CTNND2: variants seen among roughly 807,000 people sequenced by gnomAD.
The protein encoded by CTNND2 is catenin delta-2.
Under a neutral mutation model 144.4 loss-of-function variants are expected in CTNND2, and 22 were observed. The observed-to-expected ratio is 0.15, with a 90% confidence interval of 0.11 to 0.22. CTNND2 has a LOEUF of 0.22. CTNND2 is among the 10% of genes least tolerant of loss of function. The probability of loss-of-function intolerance (pLI) is 1.00; values close to 1 mark genes in which losing one functional copy is unlikely to be tolerated. For synonymous variants in CTNND2, 751 were observed against 695.6 expected (o/e 1.08, Z -1.25); for missense variants, 1,353 against 1,618.8 (o/e 0.84, Z 2.82).
At chr5:11,506,674 A>G (rs1277038963) in intron 3 of CTNND2, among the ~76,000 whole-genome samples, 1 of 152,250 alleles carries the variant, frequency 6.6e-6, no homozygotes, top group South Asian at 2.1e-4. Flanking sequence ...TTAAATATAC[A>G]CAATTCATTT....
rs1044222634 is a variant in CTNND2, at chr5:11,584,518, A to G, written c.175-19462T>C. On this transcript the variant is annotated intron_variant, in intron 2 of 21. Transcript: ENST00000304623. ...AGGAAGAAACGCCCATAATGTTGAA[A>G]AATATTTACACACTGGAGAAGATCA... 5.3e-5 allele frequency among the ~76,000 whole-genome samples: 8 copies of G among 152,186 alleles called. 1 individual carries two copies. Among genetic ancestry groups the G allele is most frequent in the Admixed American group, 1.3e-4 (2 of 15,284 alleles).
intron 6 of CTNND2, among the ~76,000 whole-genome samples, chr5:11,389,565 A>G: frequency 6.6e-6 from 1 of 152,298 alleles, no homozygotes; most frequent in South Asian, 2.1e-4. Context: ...ATTTTATAGA[A>G]CTGTTTAAGG....
intron 12 of CTNND2, among the ~76,000 whole-genome samples, chr5:11,141,880 G>A (rs1434655068): frequency 1.3e-5 from 2 of 152,212 alleles, no homozygotes; most frequent in East Asian, 3.8e-4. Context: ...TGAGAAGTGG[G>A]AACTTGAGGA....
intron 16 of CTNND2, among the ~76,000 whole-genome samples, chr5:11,070,441 T>TA (rs1748133183): frequency 1.3e-5 from 2 of 151,840 alleles, no homozygotes. Flanking sequence ...AAAAGAACAA[T>TA]AAAAAAATCT....
intron 3 of CTNND2, among the ~76,000 whole-genome samples, chr5:11,474,155 A>G (rs901036684): frequency 2.0e-5 from 3 of 151,952 alleles, no homozygotes; most frequent in African/African-American, 4.9e-5. Context: ...TTTGCATTCC[A>G]CCCATGTGAG....
intron 16 of CTNND2, among the ~76,000 whole-genome samples, chr5:11,052,023 T>C (rs1745888082): frequency 6.6e-6 from 1 of 152,178 alleles, no homozygotes. Flanking sequence ...TATGTAAATG[T>C]GGTTTCAAGC....
chr5:11,292,881 C>G (rs901431001), intron 9 of CTNND2, among the ~76,000 whole-genome samples: 3 of 152,162 alleles, frequency 2.0e-5, no homozygotes, highest in Non-Finnish European at 4.4e-5. Flanking sequence ...CAGAGGGAAT[C>G]TGGCCCTGCC....
At chr5:11,382,595 CTGTGTGTGTGTG>C (rs71582432) in intron 7 of CTNND2, among the ~76,000 whole-genome samples, 2,856 of 130,216 alleles carry the variant, frequency 0.022, 61 homozygotes, top group Middle Eastern at 0.034. Context: ...GAGTGAGACT[CTGTGTGTGTGTG>C]TGTGTGTGTG....
intron 2 of CTNND2, among the ~76,000 whole-genome samples, chr5:11,656,006 TAA>T (rs36109972): frequency 5.4e-5 from 8 of 149,408 alleles, no homozygotes; most frequent in East Asian, 2.0e-4. Context: ...TTTGATTCAG[TAA>T]AAAAAAAAAT....
chr5:11,601,469 T>G (rs749642882), intron 2 of CTNND2, among the ~76,000 whole-genome samples: 1 of 152,154 alleles, frequency 6.6e-6, no homozygotes, highest in Non-Finnish European at 1.5e-5. Context: ...TTATTAAAAA[T>G]AAAATTTAGA....
At chr5:11,452,805 G>A (rs768796574) in intron 3 of CTNND2, among the ~76,000 whole-genome samples, 3 of 152,128 alleles carry the variant, frequency 2.0e-5, no homozygotes, top group Non-Finnish European at 2.9e-5. Flanking sequence ...GAAGAATTTT[G>A]AAATTTGAAA....
At chr5:11,074,816 C>T (rs981922969) in intron 16 of CTNND2, among the ~76,000 whole-genome samples, 2 of 152,108 alleles carry the variant, frequency 1.3e-5, no homozygotes, top group East Asian at 1.9e-4. Flanking sequence ...ATTTTTATGT[C>T]GTCCTTTAAA....
At chr5:11,192,129 G>C (rs1250920557) in intron 11 of CTNND2, among the ~76,000 whole-genome samples, 1 of 152,180 alleles carries the variant, frequency 6.6e-6, no homozygotes, top group Non-Finnish European at 1.5e-5. Context: ...ATGTTGCAAG[G>C]TGGCAACAAT....
rs148374008 is a variant in CTNND2, at chr5:11,486,380, G to A, written c.288-74311C>T. ...ATCGCACTAGGTGATAATATCCAGT[G>A]CTAATCTGCATGGGGCCTGGATGGG... On this transcript the variant is annotated intron_variant, in intron 3 of 21. Coordinates refer to ENST00000304623, the MANE Select transcript of CTNND2 (RefSeq NM_001332.4). Among the ~76,000 whole-genome samples, 441 of 152,290 alleles carry A rather than the reference G, an allele frequency of 2.9e-3. 7 individuals are homozygous for A. In the Middle Eastern group the frequency reaches 0.048, roughly 16 times the overall value.
chr5:11,024,079 T>A (rs1742565987), intron 16 of CTNND2, among the ~76,000 whole-genome samples: 1 of 152,226 alleles, frequency 6.6e-6, no homozygotes, highest in Non-Finnish European at 1.5e-5. Flanking sequence ...TACATATCTA[T>A]AAATAATAGT....
intron 2 of CTNND2, among the ~76,000 whole-genome samples, chr5:11,622,220 T>C (rs1480129175): frequency 6.6e-6 from 1 of 152,052 alleles, no homozygotes; most frequent in Non-Finnish European, 1.5e-5. Context: ...ACCTTAAAAT[T>C]AGGATTTTTC....
At chr5:10,980,123 G>T (rs983581944) in intron 21 of CTNND2, among the ~76,000 whole-genome samples, 9 of 152,088 alleles carry the variant, frequency 5.9e-5, no homozygotes, top group African/African-American at 2.2e-4. Context: ...GGCAACTATA[G>T]AATGGGAGAA....
intron 1 of CTNND2, among the ~76,000 whole-genome samples, chr5:11,842,731 A>AG: frequency 6.6e-6 from 1 of 152,072 alleles, no homozygotes; most frequent in East Asian, 1.9e-4. Flanking sequence ...AACAAAAAAA[A>AG]AAAGTAAACT....
intron 1 of CTNND2, among the ~76,000 whole-genome samples, chr5:11,887,193 C>T (rs779941040): frequency 1.3e-5 from 2 of 151,912 alleles, no homozygotes; most frequent in African/African-American, 2.4e-5. Context: ...CCATGTTAGC[C>T]AGAATGGTCT....
Sources: allele counts gnomAD v4.1 joint callset (sites outside exome capture counted in the v4.1 genomes callset), GRCh38; gene constraint gnomAD v4.1.1; transcripts MANE v1.5; gene names NCBI Gene and HGNC (gene_info 2026-07-23, HGNC 2026-07-21).